Variants in ATP11C observed in about 807,000 individuals in gnomAD.
ATP11C encodes the protein phospholipid-transporting ATPase IG.
Under a neutral mutation model 97.4 loss-of-function variants are expected in ATP11C, and 36 were observed. The ratio of observed to expected loss-of-function variants is 0.37; its 90% CI spans 0.28 to 0.49. ATP11C has a LOEUF of 0.49. ATP11C is among the 20% of genes least tolerant of loss of function. The pLI, the probability that ATP11C is intolerant of heterozygous loss-of-function variation, is 0.98. For missense variants in ATP11C, 730 were observed against 824.6 expected (o/e 0.89, Z 1.40); for synonymous variants, 275 against 290.9 (o/e 0.95, Z 0.56).
chrX:139,911,364 T>A (rs1194884834), intron 1 of ATP11C, among the ~76,000 whole-genome samples: 1 of 111,801 alleles, frequency 8.9e-6, no homozygotes, highest in African/African-American at 3.2e-5. Context: ...CATAAACATA[T>A]GCAAAAATGT....
intron 22 of ATP11C, among the ~76,000 whole-genome samples, chrX:139,758,136 G>C (rs1221318584): frequency 1.8e-5 from 2 of 111,678 alleles, no homozygotes; most frequent in African/African-American, 6.5e-5. Context: ...AAATAAATGA[G>C]CTCCTCCAAT....
At chrX:139,853,330 GA>G (rs752026326) in intron 1 of ATP11C, among the ~76,000 whole-genome samples, 21 of 108,035 alleles carry the variant, frequency 1.9e-4, no homozygotes, top group African/African-American at 5.8e-4. Context: ...GAAAAAGAGA[GA>G]GGGGAAAGAC....
At chrX:139,901,457 G>A (rs1430275212) in intron 1 of ATP11C, among the ~76,000 whole-genome samples, 1 of 111,581 alleles carries the variant, frequency 9.0e-6, no homozygotes, top group East Asian at 2.8e-4. Context: ...CTGTTTCTCA[G>A]CAAAAGAGAC....
chrX:139,852,530 ACT>A (rs766323546), intron 1 of ATP11C, among the ~76,000 whole-genome samples: 1 of 88,536 alleles, frequency 1.1e-5, no homozygotes, highest in Non-Finnish European at 2.2e-5. Context: ...TGTGGCAATG[ACT>A]CTGTGCGCAG....
intron 23 of ATP11C, among the ~76,000 whole-genome samples, chrX:139,750,975 T>C (rs771565090): frequency 3.3e-4 from 37 of 112,399 alleles, no homozygotes; most frequent in African/African-American, 1.1e-3. Flanking sequence ...CAAACAAACA[T>C]TTTCTGTGGC....
intron 5 of ATP11C, among the ~76,000 whole-genome samples, chrX:139,805,384 G>C (rs752262907): frequency 1.8e-5 from 2 of 111,745 alleles, no homozygotes; most frequent in African/African-American, 6.5e-5. Context: ...TTAGACGATT[G>C]CAACTACCTC....
intron 5 of ATP11C, 115 bp downstream of exon 5, chrX:139,814,762 GA>G: frequency 2.4e-6 from 1 of 419,211 alleles, no homozygotes; most frequent in Non-Finnish European, 3.9e-6. Context: ...AAATGTTCTG[GA>G]ACTAGATAGA....
At chrX:139,894,336 A>G (rs2084774495) in intron 1 of ATP11C, among the ~76,000 whole-genome samples, 2 of 112,391 alleles carry the variant, frequency 1.8e-5, no homozygotes, top group Non-Finnish European at 3.8e-5. Flanking sequence ...GGGAAGACAG[A>G]AAAGGTCTCA....
In ATP11C at chrX:139,785,112, A is replaced by G. The variant is rs1272152998; in HGVS notation, c.1666+114T>C. 7.6e-6 allele frequency: 4 copies of G among 523,939 alleles called. No individual in the cohort carries two copies. In the East Asian group the frequency reaches 1.4e-4, roughly 18 times the overall value. 43.2% of individuals were successfully genotyped at this position (523,939 alleles called of 1,213,427 possible). ...TATGCAAAAGCTACTGCTTTGCATG[A>G]CTTTCACTAATCCTACACTACTACA... On this transcript the variant is annotated intron_variant, in intron 16 of 29. Transcript: ENST00000682941.
intron 1 of ATP11C, among the ~76,000 whole-genome samples, chrX:139,845,304 A>T (rs1022371473): frequency 8.9e-6 from 1 of 112,211 alleles, no homozygotes; most frequent in East Asian, 2.8e-4. Flanking sequence ...CGTGGAACAG[A>T]ACTAAATTAG....
chrX:139,908,865 C>T (rs1179732722), intron 1 of ATP11C, among the ~76,000 whole-genome samples: 1 of 112,014 alleles, frequency 8.9e-6, no homozygotes, highest in East Asian at 2.8e-4. Context: ...TAGGATGTTT[C>T]CAATGCAGGC....
chrX:139,874,811 G>A (rs1472577299), intron 1 of ATP11C, among the ~76,000 whole-genome samples: 1 of 112,108 alleles, frequency 8.9e-6, no homozygotes, highest in East Asian at 2.8e-4. Context: ...TTGAGGAGAG[G>A]AAGGGAGAGG....
chrX:139,838,528 A>C (rs1381978029), intron 1 of ATP11C, among the ~76,000 whole-genome samples: 1 of 112,162 alleles, frequency 8.9e-6, no homozygotes, highest in African/African-American at 3.2e-5. Context: ...TTGGCAGTTC[A>C]TTAAAAAGTT....
At position 139,853,600 on chromosome X, in the gene ATP11C, A is replaced by C. The variant is rs776551611; in HGVS notation, c.28-26777T>G. Reference sequence around the variant, plus strand: ...AAGGTCTTCTCCGTGACCCTATAACACTCCAATACCACTTTGTTGTCAGTG... The same window carrying C: ...AAGGTCTTCTCCGTGACCCTATAACCCTCCAATACCACTTTGTTGTCAGTG... On this transcript the variant is annotated intron_variant, in intron 1 of 29. Coordinates refer to ENST00000682941, the MANE Select transcript of ATP11C (RefSeq NM_001353812.2). 7.3e-5 allele frequency among the ~76,000 whole-genome samples: 8 copies of C among 109,510 alleles called. No homozygotes were observed. The East Asian group carries it at 1.4e-3, about 20-fold the overall frequency.
At chrX:139,911,499 G>A (rs1441633962) in intron 1 of ATP11C, among the ~76,000 whole-genome samples, 1 of 111,621 alleles carries the variant, frequency 9.0e-6, no homozygotes, top group Non-Finnish European at 1.9e-5. Context: ...ATAAATCAAT[G>A]GAAACTCATA....
chrX:139,854,960 C>T (rs2084066451), intron 1 of ATP11C, among the ~76,000 whole-genome samples: 1 of 111,861 alleles, frequency 8.9e-6, no homozygotes, highest in African/African-American at 3.2e-5. Flanking sequence ...CACTAACCTG[C>T]TCTTTAACAA....
intron 18 of ATP11C, among the ~76,000 whole-genome samples, chrX:139,780,270 T>C (rs749229008): frequency 9.0e-6 from 1 of 111,416 alleles, no homozygotes; most frequent in Admixed American, 9.5e-5. Context: ...TAGGCCATTA[T>C]TCATGATGAA....
At chrX:139,882,827 TA>T (rs2084581840) in intron 1 of ATP11C, among the ~76,000 whole-genome samples, 1 of 111,310 alleles carries the variant, frequency 9.0e-6, no homozygotes, top group African/African-American at 3.3e-5. Flanking sequence ...GAGCTCAGCA[TA>T]AATAAATACC....
Position 139,731,638 on chromosome X carries a change from T to G in ATP11C, c.*3+13A>C. 1 of 1,095,978 alleles carries G rather than the reference T, an allele frequency of 9.1e-7. No individual in the cohort carries two copies. Among genetic ancestry groups the G allele is most frequent in the Non-Finnish European group, 1.2e-6 (1 of 811,274 alleles). The allele number at this position is 1,095,978 out of a possible 1,213,427, so 90.3% of individuals were successfully genotyped here. On this transcript the variant is annotated intron_variant, in intron 29 of 29. Transcript: ENST00000682941. ...ATTTTTTAAAGCCAGCCCATTTGTTTAACACTAGGTACCTGTTACAATACA... is the reference window on the plus strand; with the variant it reads ...ATTTTTTAAAGCCAGCCCATTTGTTGAACACTAGGTACCTGTTACAATACA...
Sources: allele counts gnomAD v4.1 joint callset (sites outside exome capture counted in the v4.1 genomes callset), GRCh38; gene constraint gnomAD v4.1.1; transcripts MANE v1.5; gene names NCBI Gene and HGNC (gene_info 2026-07-23, HGNC 2026-07-21).